Variants in LAMA3 observed in about 807,000 individuals in gnomAD.
The protein encoded by LAMA3 is laminin subunit alpha-3.
Under a neutral mutation model 402.0 loss-of-function variants are expected in LAMA3, and 281 were observed. The observed-to-expected ratio is 0.70, with a 90% CI of 0.63 to 0.77. LAMA3 has a LOEUF of 0.77. Among genes scored for constraint, LAMA3 ranks in the 30% least tolerant of loss-of-function variants. The pLI is 0.00. For synonymous variants in LAMA3, 1,431 were observed against 1,558.4 expected, an observed-to-expected ratio of 0.92 and a Z score of 1.93; for missense variants, 3,840 against 4,215.5, an observed-to-expected ratio of 0.91 and a Z score of 2.47.
chr18:23,855,922 A>T (rs746268727), intron 32 of LAMA3, among the ~76,000 whole-genome samples: 9 of 152,202 alleles, frequency 5.9e-5, no homozygotes, highest in Non-Finnish European at 1.3e-4. Flanking sequence ...TGGTCCTTTT[A>T]GTTGTGCCGA....
At position 23,951,674 on chromosome 18, in the gene LAMA3, T is replaced by C. The variant is rs1197080993; in HGVS notation, c.9643-10T>C. The C allele has an allele frequency of 6.2e-7, 1 of 1,611,234 alleles. No individual in the cohort carries two copies. Among genetic ancestry groups the C allele is most frequent in the Admixed American group, 1.7e-5 (1 of 59,972 alleles). On this transcript the variant is annotated splice_polypyrimidine_tract_variant and intron_variant, in intron 72 of 74. Coordinates refer to ENST00000313654, the MANE Select transcript of LAMA3 (RefSeq NM_198129.4). ...CCTGAAGGAAATAGGAAAATGCATGTGTGTTCCAGGTCACGGCCTCTATGG... is the reference window on the plus strand; with the variant it reads ...CCTGAAGGAAATAGGAAAATGCATGCGTGTTCCAGGTCACGGCCTCTATGG...
At chr18:23,812,038 T>TAGAA (rs1372080281) in intron 13 of LAMA3, among the ~76,000 whole-genome samples, 1 of 151,876 alleles carries the variant, frequency 6.6e-6, no homozygotes, top group African/African-American at 2.4e-5. Context: ...CATGCCTAGC[T>TAGAA]AATTTTTTGT....
intron 62 of LAMA3, among the ~76,000 whole-genome samples, chr18:23,922,665 A>G (rs1212136863): frequency 6.6e-6 from 1 of 152,220 alleles, no homozygotes; most frequent in African/African-American, 2.4e-5. Context: ...TTATATTAAT[A>G]TTTAATATTA....
intron 30 of LAMA3, 60 bp from the exon 31 acceptor site, chr18:23,846,237 T>G: frequency 6.5e-7 from 1 of 1,540,132 alleles, no homozygotes; most frequent in South Asian, 1.1e-5. Context: ...AAGGCAAGGT[T>G]GAGGCCACTC....
chr18:23,900,837 G>A (rs148710997), intron 47 of LAMA3, among the ~76,000 whole-genome samples: 28 of 152,266 alleles, frequency 1.8e-4, no homozygotes, highest in Admixed American at 1.3e-3. Context: ...CAAGTCCTAA[G>A]CCCGACTGGC....
intron 30 of LAMA3, among the ~76,000 whole-genome samples, chr18:23,845,654 C>T (rs537466678): frequency 1.3e-5 from 2 of 152,318 alleles, no homozygotes; most frequent in South Asian, 2.1e-4. Context: ...TCATAGATTC[C>T]TGAAGAGCCC....
chr18:23,931,308 A>T lies in LAMA3; in HGVS notation c.8576+107A>T, dbSNP rs142405931. On this transcript the variant is annotated intron_variant, in intron 65 of 74. Coordinates refer to ENST00000313654, the MANE Select transcript of LAMA3 (RefSeq NM_198129.4). ...CAAAATATTTGTCCTTGATACCAAA[A>T]ATACTTCACTAATAAGTCTTGTCCT... The T allele has an allele frequency of 6.6e-3, 5,965 of 899,316 alleles. 32 individuals are homozygous for T. The highest frequency in any genetic ancestry group is 9.9e-3 in the South Asian group (742 of 74,964). The allele number at this position is 899,316 out of a possible 1,614,324, so 55.7% of individuals were successfully genotyped here.
At chr18:23,800,023 A>G (rs2062839581) in intron 12 of LAMA3, among the ~76,000 whole-genome samples, 1 of 152,222 alleles carries the variant, frequency 6.6e-6, no homozygotes, top group South Asian at 2.1e-4. Context: ...ATCTCATCTA[A>G]AAAACACCTT....
In LAMA3 at chr18:23,920,975, T is replaced by G; in HGVS notation, c.7964T>G (p.Met2655Arg). The change falls in exon 61 of 75, where the codon ATG becomes AGG. Residue 2655 changes from methionine to arginine, a missense_variant. Physicochemically the swap from Met to Arg is moderately conservative, Grantham distance 91. This residue lies in a region of LAMA3 where 840 missense variants were observed against 981.9 expected (regional missense o/e 0.86). Coordinates refer to ENST00000313654, the MANE Select transcript of LAMA3 (RefSeq NM_198129.4). ...ISLNIEDGKL[M>R]VRYKLNSELP... is the part of the protein sequence containing the mutation. ...CTAAATATAGAAGATGGCAAGCTCA[T>G]GGTGAGATACAAACTGAATTCAGAG... 6.2e-7 allele frequency: 1 copy of G among 1,614,082 alleles called. No homozygotes were observed. Among genetic ancestry groups the G allele is most frequent in the Non-Finnish European group, 8.5e-7 (1 of 1,179,960 alleles).
In LAMA3 at chr18:23,953,111, T is replaced by C; in HGVS notation, c.9856+2T>C. On this transcript the variant is annotated splice_donor_variant, in intron 74 of 74. Coordinates refer to ENST00000313654, the MANE Select transcript of LAMA3 (RefSeq NM_198129.4). LOFTEE classifies it high-confidence loss of function. ...CACTACACCTTGGAGGTGCTCCAGG[T>C]AACTCTTGTCCTGACTTCTATAATG... 2 of 1,613,928 alleles carry C rather than the reference T, an allele frequency of 1.2e-6. No homozygotes were observed. Among genetic ancestry groups the C allele is most frequent in the Non-Finnish European group, 1.7e-6 (2 of 1,179,866 alleles).
At chr18:23,871,851 T>C (rs1461339142) in intron 38 of LAMA3, among the ~76,000 whole-genome samples, 190 bp downstream of exon 38, 1 of 152,192 alleles carries the variant, frequency 6.6e-6, no homozygotes, top group Non-Finnish European at 1.5e-5. Flanking sequence ...ATCATCAGTG[T>C]CTCAGAATTC....
intron 30 of LAMA3, 132 bp downstream of exon 30, chr18:23,845,256 G>C (rs1009770023): frequency 8.7e-6 from 6 of 689,522 alleles, no homozygotes; most frequent in Non-Finnish European, 1.6e-5. Flanking sequence ...GTGTCAGTGA[G>C]TCCCAGGGGA....
At chr18:23,901,434 T>C (rs927790406) in intron 48 of LAMA3, 111 bp downstream of exon 48, 3 of 865,374 alleles carry the variant, frequency 3.5e-6, no homozygotes, top group African/African-American at 1.7e-5. Flanking sequence ...CATCTCATTA[T>C]ACCACCTCAG....
intron 2 of LAMA3, among the ~76,000 whole-genome samples, chr18:23,747,336 CT>C (rs1447495112): frequency 6.6e-6 from 1 of 152,180 alleles, no homozygotes; most frequent in African/African-American, 2.4e-5. Context: ...CCCACTTCAT[CT>C]CTTCCATACT....
chr18:23,947,295 T>C (rs894987187), intron 70 of LAMA3, among the ~76,000 whole-genome samples: 1 of 152,122 alleles, frequency 6.6e-6, no homozygotes, highest in African/African-American at 2.4e-5. Flanking sequence ...AGATTTGCCT[T>C]TCCCCCCACC....
chr18:23,875,298 G>T (rs2064671466), intron 38 of LAMA3, among the ~76,000 whole-genome samples: 1 of 152,050 alleles, frequency 6.6e-6, no homozygotes, highest in South Asian at 2.1e-4. Flanking sequence ...CTGTTGGAGG[G>T]ATTCTTAACT....
intron 1 of LAMA3, among the ~76,000 whole-genome samples, chr18:23,699,763 A>G (rs1200812790): frequency 6.6e-6 from 1 of 152,196 alleles, no homozygotes; most frequent in African/African-American, 2.4e-5. Flanking sequence ...CGTTCGAACT[A>G]GAGAGACTCC....
At chr18:23,791,884 A>G (rs2062664504) in intron 12 of LAMA3, among the ~76,000 whole-genome samples, 1 of 152,220 alleles carries the variant, frequency 6.6e-6, no homozygotes, top group Non-Finnish European at 1.5e-5. Flanking sequence ...TGAATTTAGA[A>G]GTAAATACAA....
rs1449532950 is a variant in LAMA3 at position 23,842,503 on chromosome 18, G to C, written c.3445G>C (p.Gly1149Arg). 6.2e-7 allele frequency: 1 copy of C among 1,614,226 alleles called. No individual in the cohort carries two copies. Among genetic ancestry groups the C allele is most frequent in the Non-Finnish European group, 8.5e-7 (1 of 1,180,044 alleles). ...GTTTCCCGCGCAGGTGTCGGTGGAT[G>C]GCGGGTGGCCACGGGCAGGTGAGCT... ...PTFPAQVSVD[G>R]GWPRAGSFHA... Residue 1149 changes from glycine to arginine, a missense_variant, in exon 28 of 75, where the codon GGC becomes CGC. Gly to Arg is a moderately radical substitution (Grantham distance 125). Around this residue, in one of 3 missense-constraint regions of LAMA3, gnomAD observed 2,109 missense variants for 2,376.0 expected, o/e 0.89. Coordinates refer to ENST00000313654, the MANE Select transcript of LAMA3 (RefSeq NM_198129.4).
Sources: allele counts gnomAD v4.1 joint callset (sites outside exome capture counted in the v4.1 genomes callset), GRCh38; gene constraint gnomAD v4.1.1; regional missense constraint gnomAD v4.1.1; transcripts MANE v1.5; gene names NCBI Gene and HGNC (gene_info 2026-07-23, HGNC 2026-07-21).